RABGAP1L: variants seen among roughly 807,000 people sequenced by gnomAD.
RABGAP1L encodes rab GTPase-activating protein 1-like.
In RABGAP1L, 63 loss-of-function variants were observed where a neutral mutation model predicts 137.7. The ratio of observed to expected loss-of-function variants is 0.46; its 90% CI spans 0.37 to 0.56. The LOEUF (loss-of-function observed/expected upper bound fraction) is 0.56. Among genes scored for constraint, RABGAP1L ranks in the 20% least tolerant of loss-of-function variants. The pLI is 0.00. For missense variants in RABGAP1L, 1,095 were observed against 1,244.0 expected, an observed-to-expected ratio of 0.88 and a Z score of 1.80; for synonymous variants, 431 against 433.7, an observed-to-expected ratio of 0.99 and a Z score of 0.08.
intron 13 of RABGAP1L, among the ~76,000 whole-genome samples, chr1:174,474,056 C>T (rs772166960): frequency 2.7e-4 from 41 of 152,132 alleles, no homozygotes; most frequent in Non-Finnish European, 1.2e-4. Flanking sequence ...TGTTGTCTCC[C>T]TCAGAGTCCC....
chr1:174,176,741 A>AAAAAAAAAAAAAAAATAAAATAAAAT (rs755688394), intron 1 of RABGAP1L, among the ~76,000 whole-genome samples: 1 of 111,778 alleles, frequency 8.9e-6, no homozygotes, highest in Admixed American at 1.0e-4. Flanking sequence ...AAAAAAAAAA[A>AAAAAAAAAAAAAAAATAAAATAAAAT]AAAAAGGTCA....
intron 14 of RABGAP1L, among the ~76,000 whole-genome samples, chr1:174,642,437 A>G (rs952443199): frequency 1.3e-5 from 2 of 152,226 alleles, no homozygotes; most frequent in African/African-American, 2.4e-5. Flanking sequence ...TCTTAAAATG[A>G]CATGTAATCA....
intron 13 of RABGAP1L, among the ~76,000 whole-genome samples, chr1:174,620,441 A>G (rs909426242): frequency 1.3e-5 from 2 of 152,220 alleles, no homozygotes; most frequent in African/African-American, 4.8e-5. Context: ...TGTCTCTCAG[A>G]CCACAGTGCA....
chr1:174,903,903 T>TC (rs1658562146), intron 19 of RABGAP1L, among the ~76,000 whole-genome samples: 1 of 148,706 alleles, frequency 6.7e-6, no homozygotes, highest in Admixed American at 6.8e-5. Flanking sequence ...TGAGCTGAGA[T>TC]CGCGCCATTG....
chr1:174,939,739 T>C (rs1665533248), intron 19 of RABGAP1L, among the ~76,000 whole-genome samples: 1 of 152,198 alleles, frequency 6.6e-6, no homozygotes, highest in South Asian at 2.1e-4. Flanking sequence ...TTATCACAAT[T>C]TTCTCATTTA....
chr1:174,419,068 T>G (rs1038505117), intron 13 of RABGAP1L, among the ~76,000 whole-genome samples: 2 of 152,112 alleles, frequency 1.3e-5, no homozygotes, highest in African/African-American at 4.8e-5. Context: ...GAATACAATA[T>G]AAGGTACCAA....
chr1:174,228,862 G>A (rs1670399795), intron 3 of RABGAP1L, among the ~76,000 whole-genome samples: 1 of 152,042 alleles, frequency 6.6e-6, no homozygotes, highest in Non-Finnish European at 1.5e-5. Context: ...AATTTTGTGC[G>A]GCATGAATGT....
At chr1:174,303,205 T>G (rs1470623397) in intron 10 of RABGAP1L, among the ~76,000 whole-genome samples, 1 of 152,110 alleles carries the variant, frequency 6.6e-6, no homozygotes. Flanking sequence ...ATATAGACAT[T>G]CTTGTTGAAA....
At chr1:174,637,979 A>G (rs1674200469) in intron 14 of RABGAP1L, among the ~76,000 whole-genome samples, 1 of 151,992 alleles carries the variant, frequency 6.6e-6, no homozygotes, top group Non-Finnish European at 1.5e-5. Flanking sequence ...TTTCTCCCTC[A>G]TTATAAGTAG....
At chr1:174,816,335 A>G (rs1334738026) in intron 19 of RABGAP1L, among the ~76,000 whole-genome samples, 1 of 151,870 alleles carries the variant, frequency 6.6e-6, no homozygotes, top group African/African-American at 2.4e-5. Context: ...TATTTTTAGT[A>G]GAGATGGGGT....
intron 11 of RABGAP1L, among the ~76,000 whole-genome samples, chr1:174,365,015 T>A (rs941373400): frequency 3.9e-5 from 6 of 152,028 alleles, no homozygotes; most frequent in African/African-American, 1.5e-4. Flanking sequence ...CAAGACAGAG[T>A]CCTCTTTACT....
chr1:174,664,841 G>A (rs1676664307), intron 14 of RABGAP1L, among the ~76,000 whole-genome samples: 2 of 147,834 alleles, frequency 1.4e-5, no homozygotes, highest in African/African-American at 5.0e-5. Context: ...GGGTTCAAGC[G>A]TTTCTCCTGC....
At chr1:174,426,819 G>A (rs1014925417) in intron 13 of RABGAP1L, among the ~76,000 whole-genome samples, 4 of 151,972 alleles carry the variant, frequency 2.6e-5, no homozygotes, top group Admixed American at 1.3e-4. Flanking sequence ...TTCTAAAAAA[G>A]CTTTACTATT....
chr1:174,869,563 T>C (rs1651853754), intron 19 of RABGAP1L, among the ~76,000 whole-genome samples: 2 of 152,200 alleles, frequency 1.3e-5, no homozygotes, highest in African/African-American at 2.4e-5. Context: ...TTACCCAGTC[T>C]TGGGGTTTTT....
intron 13 of RABGAP1L, among the ~76,000 whole-genome samples, chr1:174,443,493 A>T (rs1043634056): frequency 6.6e-6 from 1 of 152,074 alleles, no homozygotes; most frequent in African/African-American, 2.4e-5. Context: ...GTAATTTTTC[A>T]TATAACTCTT....
At chr1:174,686,097 G>A (rs918173560) in intron 15 of RABGAP1L, among the ~76,000 whole-genome samples, 8 of 152,234 alleles carry the variant, frequency 5.3e-5, no homozygotes, top group South Asian at 4.2e-4. Context: ...AAAGAAGTTC[G>A]GATTCTCAGT....
In RABGAP1L at chr1:174,782,759, C is replaced by G. The variant is rs111822929; in HGVS notation, c.2212-29073C>G. Among the ~76,000 whole-genome samples, 801 of 152,274 alleles carry G rather than the reference C, an allele frequency of 5.3e-3. 9 individuals carry two copies. Among genetic ancestry groups the G allele is most frequent in the African/African-American group, 0.018 (757 of 41,552 alleles). ...AACCTAGCTGTGGACGGTGACCACA[C>G]CCACCTTTAAACACGGGGCTTGTAA... is the stretch of plus-strand genomic sequence containing the variant. On this transcript the variant is annotated intron_variant, in intron 18 of 25. Transcript: ENST00000681986.
At chr1:174,956,727 A>G (rs958356837) in intron 19 of RABGAP1L, among the ~76,000 whole-genome samples, 6 of 150,114 alleles carry the variant, frequency 4.0e-5, no homozygotes, top group Non-Finnish European at 8.9e-5. Flanking sequence ...GGTTCACCGC[A>G]ACCTCAGCTT....
intron 13 of RABGAP1L, among the ~76,000 whole-genome samples, chr1:174,636,375 A>C (rs193284816): frequency 1.1e-3 from 173 of 152,164 alleles, no homozygotes; most frequent in Middle Eastern, 3.4e-3. Flanking sequence ...CACACACAAA[A>C]AAAATAGCTG....
Sources: gnomAD v4.1 joint callset for allele counts (sites outside exome capture counted in the v4.1 genomes callset) on GRCh38, gnomAD v4.1.1 for gene constraint, MANE v1.5 for transcripts, NCBI Gene and HGNC (gene_info 2026-07-23, HGNC 2026-07-21) for gene names.